Variants in ENO4 observed in about 807,000 individuals in gnomAD.
ENO4 encodes the protein 2-phospho-D-glycerate hydro-lyase.
ENO4 carries 53 observed loss-of-function variants against 63.2 expected under a neutral mutation model. The ratio of observed to expected loss-of-function variants is 0.84; its 90% CI spans 0.67 to 1.05. The LOEUF is 1.05. Among genes scored for constraint, ENO4 ranks in the 50% least tolerant of loss-of-function variants. ENO4 has a pLI of 0.00. For synonymous variants in ENO4, 266 were observed against 283.8 expected (o/e 0.94, Z 0.63); for missense variants, 719 against 772.0 (o/e 0.93, Z 0.81).
chr10:116,881,503 T>TA lies in ENO4; in HGVS notation c.1724-11dup. On this transcript the variant is annotated splice_polypyrimidine_tract_variant and intron_variant, in intron 13 of 13. Coordinates refer to ENST00000341276, the MANE Select transcript of ENO4 (RefSeq NM_001242699.2). ...TGGATTAGACAGTAAACTTTATTGTTACTTTAAATAGGTTTCAAAGAAGAA... is the reference window on the plus strand; with the variant it reads ...TGGATTAGACAGTAAACTTTATTGTTAACTTTAAATAGGTTTCAAAGAAGAA... 1.3e-6 allele frequency: 2 copies of TA among 1,527,318 alleles called. No homozygotes were observed. 94.6% of individuals were successfully genotyped at this position (1,527,318 alleles called of 1,614,324 possible).
intron 10 of ENO4, chr10:116,900,639 T>G (rs1477276554): frequency 1.3e-6 from 2 of 1,514,606 alleles, no homozygotes; most frequent in Non-Finnish European, 1.8e-6. Context: ...GTCTGGATAT[T>G]GGTTCAAATG....
At chr10:116,861,485 G>A (rs2170862) in intron 6 of ENO4, among the ~76,000 whole-genome samples, 48,759 of 151,882 alleles carry the variant, frequency 0.32, 8,273 homozygotes, top group African/African-American at 0.43. Context: ...GTTATTTGGG[G>A]GCATCTTATT....
At position 116,859,068 on chromosome 10, in the gene ENO4, T is replaced by C; in HGVS notation, c.564T>C (p.Pro188=). 1 of 1,535,500 alleles carries C rather than the reference T, an allele frequency of 6.5e-7. No individual in the cohort carries two copies. The highest frequency in any genetic ancestry group is 1.2e-5 in the South Asian group (1 of 83,972). Reference sequence around the variant, plus strand: ...AGAGCCTGGAATACTCAACAGTGCCTACACCTCTACCTCCAGTACCACCAC... The same window carrying C: ...AGAGCCTGGAATACTCAACAGTGCCCACACCTCTACCTCCAGTACCACCAC... ...LEKSLEYSTV[P]TPLPPVPPPP... The change falls in exon 4 of 14, where the codon CCT becomes CCC. Residue 188 remains proline (P), a synonymous_variant. Transcript: ENST00000341276.
intron 1 of ENO4, 41 bp from the exon 2 acceptor site, chr10:116,855,582 A>G: frequency 6.5e-7 from 1 of 1,535,738 alleles, no homozygotes; most frequent in East Asian, 2.4e-5. Flanking sequence ...CCAAACAACA[A>G]CTTGAACCAG....
At chr10:116,875,977 G>A in intron 10 of ENO4, 88 bp from the exon 11 acceptor site, 4 of 1,003,160 alleles carry the variant, frequency 4.0e-6, no homozygotes, top group Middle Eastern at 2.2e-4. Flanking sequence ...GGAAAAATGT[G>A]TGAGCTTGAG....
chr10:116,906,819 A>G (rs1847987575), intron 10 of ENO4: 1 of 1,221,348 alleles, frequency 8.2e-7, no homozygotes, highest in Admixed American at 2.9e-5. Flanking sequence ...ATAAAAATCA[A>G]ACCATGAAAA....
intron 10 of ENO4, among the ~76,000 whole-genome samples, chr10:116,903,171 T>C (rs1377465823): frequency 2.0e-5 from 3 of 152,226 alleles, no homozygotes; most frequent in Non-Finnish European, 4.4e-5. Flanking sequence ...AGTTTCTATC[T>C]TCCCCATTTA....
intron 10 of ENO4, among the ~76,000 whole-genome samples, chr10:116,895,068 CATAGA>C (rs534785283): frequency 1.5e-3 from 231 of 152,244 alleles, no homozygotes; most frequent in Non-Finnish European, 2.6e-3. Context: ...CTTAAAAAGG[CATAGA>C]ATAAAGTGGA....
downstream of ENO4, chr10:116,882,916 T>G (rs1330514504): frequency 6.6e-6 from 1 of 151,438 alleles, no homozygotes; most frequent in Non-Finnish European, 1.5e-5. Flanking sequence ...GAAGGAAAAT[T>G]CATTTGAAAG....
intron 11 of ENO4, among the ~76,000 whole-genome samples, chr10:116,876,475 C>T (rs76563982): frequency 0.027 from 4,162 of 152,338 alleles, 181 homozygotes; most frequent in African/African-American, 0.094. Context: ...AAGCTCACCC[C>T]CTTTACTGAG....
At chr10:116,866,957 G>A (rs1042244433) in intron 7 of ENO4, among the ~76,000 whole-genome samples, 12 of 152,022 alleles carry the variant, frequency 7.9e-5, no homozygotes, top group Admixed American at 1.3e-4. Flanking sequence ...CAACATTACC[G>A]CGATTCTTCT....
Position 116,856,793 on chromosome 10 carries a change from A to C in ENO4, c.485+111A>C, listed in dbSNP as rs547678562. 1,359 of 899,242 alleles carry C rather than the reference A, an allele frequency of 1.5e-3. 30 individuals carry two copies. In the South Asian group the frequency reaches 0.024, roughly 16 times the overall value. The allele number at this position is 899,242 out of a possible 1,614,324, so 55.7% of individuals were successfully genotyped here. The stretch of plus-strand genomic sequence containing the variant: ...GAGGCGGGCAGATCACGAGGTCAGG[A>C]GGTCGAGACCACGGTGAAACCCAGT... On this transcript the variant is annotated intron_variant, in intron 3 of 13. Coordinates refer to ENST00000341276, the MANE Select transcript of ENO4 (RefSeq NM_001242699.2).
rs544511869 is a variant in ENO4, at chr10:116,893,372, T to C, written c.1194+13386T>C. 2.4e-3 allele frequency among the ~76,000 whole-genome samples: 362 copies of C among 152,214 alleles called. 3 individuals carry two copies. Among genetic ancestry groups the C allele is most frequent in the African/African-American group, 8.2e-3 (340 of 41,528 alleles). The stretch of plus-strand genomic sequence containing the variant: ...AGCAGCGCTTTGCTGAACAGAGCTG[T>C]TTCCTGCAGTGTCAGTACACAATTC... On this transcript the variant is annotated intron_variant, in intron 10 of 10. Transcript: ENST00000369207.
intron 2 of ENO4, 67 bp from the exon 3 acceptor site, chr10:116,856,425 G>A: frequency 7.7e-7 from 1 of 1,293,594 alleles, no homozygotes; most frequent in Non-Finnish European, 1.1e-6. Context: ...TTAAAAGCTG[G>A]ATTCATTTAA....
At chr10:116,855,578 A>C (rs772089312) in intron 1 of ENO4, 45 bp from the exon 2 acceptor site, 4 of 1,535,582 alleles carry the variant, frequency 2.6e-6, no homozygotes, top group Admixed American at 3.9e-5. Flanking sequence ...TTCCCCAAAC[A>C]ACAACTTGAA....
At chr10:116,909,513 G>A (rs958438547) in intron 10 of ENO4, among the ~76,000 whole-genome samples, 1 of 152,166 alleles carries the variant, frequency 6.6e-6, no homozygotes, top group Non-Finnish European at 1.5e-5. Context: ...CTAAGTGACT[G>A]AGGTGACTCA....
chr10:116,883,651 T>C (rs1288793860), downstream of ENO4: 1 of 152,568 alleles, frequency 6.6e-6, no homozygotes, highest in Admixed American at 6.5e-5. Context: ...TAAAAATAAT[T>C]GTTACCTGTA....
chr10:116,872,584 A>G (rs776302643), intron 9 of ENO4, among the ~76,000 whole-genome samples: 46 of 152,192 alleles, frequency 3.0e-4, no homozygotes, highest in Non-Finnish European at 3.8e-4. Context: ...CTCCTCAGCC[A>G]TGTGGAACTG....
intron 10 of ENO4, among the ~76,000 whole-genome samples, chr10:116,898,955 G>A (rs1847621468): frequency 6.6e-6 from 1 of 152,014 alleles, no homozygotes; most frequent in Non-Finnish European, 1.5e-5. Flanking sequence ...GTTGATTTTA[G>A]GAATTTATTG....
Sources: allele counts gnomAD v4.1 joint callset (sites outside exome capture counted in the v4.1 genomes callset), GRCh38; gene constraint gnomAD v4.1.1; transcripts MANE v1.5; gene names NCBI Gene and HGNC (gene_info 2026-07-23, HGNC 2026-07-21).